PCYT1B: variants seen among roughly 807,000 people sequenced by gnomAD.
PCYT1B encodes the protein phosphate cytidylyltransferase 1B, choline.
PCYT1B carries 10 observed loss-of-function variants against 26.4 expected under a neutral mutation model. That is an observed-to-expected ratio of 0.38 (90% CI 0.23 to 0.64). PCYT1B has a LOEUF of 0.64. Ranked by LOEUF, PCYT1B falls within the 30% of genes least tolerant of loss-of-function variation. The pLI, the probability that PCYT1B is intolerant of heterozygous loss-of-function variation, is 0.56. For missense variants in PCYT1B, 161 were observed against 292.7 expected, an observed-to-expected ratio of 0.55 and a Z score of 3.28; for synonymous variants, 131 against 108.4, an observed-to-expected ratio of 1.21 and a Z score of -1.29.
Position 24,671,155 on chromosome X carries a change from C to T in PCYT1B, c.63+1415G>A, listed in dbSNP as rs752141166. On this transcript the variant is annotated intron_variant, in intron 1 of 7. Coordinates refer to the PCYT1B transcript ENST00000379145. ...GCTAATTTTTTTGTATTTTTAGTCG[C>T]GAGGGGGTTTCACCATGTTGGCCAG... is the stretch of plus-strand genomic sequence containing the variant. 9.1e-5 allele frequency among the ~76,000 whole-genome samples: 10 copies of T among 110,191 alleles called. No individual in the cohort carries two copies. In the South Asian group the frequency reaches 2.0e-3, roughly 22 times the overall value.
intron 3 of PCYT1B, among the ~76,000 whole-genome samples, chrX:24,592,130 A>T (rs1046802524): frequency 8.9e-6 from 1 of 111,732 alleles, no homozygotes; most frequent in African/African-American, 3.3e-5. Context: ...TTCCATATAT[A>T]AGTGGTATAT....
At chrX:24,586,753 C>T (rs1281608269) in intron 5 of PCYT1B, among the ~76,000 whole-genome samples, 1 of 110,546 alleles carries the variant, frequency 9.0e-6, no homozygotes, top group African/African-American at 3.3e-5. Context: ...TTTTTGCCTC[C>T]ACATATGGTA....
intron 1 of PCYT1B, among the ~76,000 whole-genome samples, chrX:24,637,222 C>T (rs1290226045): frequency 9.2e-6 from 1 of 108,622 alleles, no homozygotes; most frequent in African/African-American, 3.4e-5. Context: ...ATCTTGCTTC[C>T]GAATCACCTG....
intron 3 of PCYT1B, among the ~76,000 whole-genome samples, chrX:24,593,318 CCTT>C (rs1427950820): frequency 3.7e-5 from 4 of 108,886 alleles, no homozygotes; most frequent in African/African-American, 1.3e-4. Flanking sequence ...TCTACAGGTT[CCTT>C]CTTTTTCTTT....
chrX:24,651,184 G>A (rs982234297), upstream of PCYT1B, among the ~76,000 whole-genome samples: 4 of 109,837 alleles, frequency 3.6e-5, no homozygotes, highest in Admixed American at 2.0e-4. Context: ...AAGGCTGGGC[G>A]CGGTGGCTCA....
At chrX:24,645,993 C>A (rs762802678) in intron 1 of PCYT1B, among the ~76,000 whole-genome samples, 1 of 111,896 alleles carries the variant, frequency 8.9e-6, no homozygotes, top group Non-Finnish European at 1.9e-5. Context: ...AAACTCTTCC[C>A]AGGGTCAAAC....
intron 1 of PCYT1B, among the ~76,000 whole-genome samples, chrX:24,631,286 C>A (rs1312329439): frequency 1.8e-5 from 2 of 111,257 alleles, no homozygotes; most frequent in Non-Finnish European, 3.8e-5. Flanking sequence ...ACCCCAGCAC[C>A]AAAAAGCGGT....
At chrX:24,672,770 G>A (rs933840058), upstream of PCYT1B, 8 of 457,285 alleles carry the variant, frequency 1.7e-5, no homozygotes, top group South Asian at 1.9e-4. Context: ...AGATAAGCTC[G>A]GAGGAGCTCG....
chrX:24,652,942 A>G (rs1395179981), intron 1 of PCYT1B, among the ~76,000 whole-genome samples: 1 of 110,706 alleles, frequency 9.0e-6, no homozygotes, highest in Non-Finnish European at 1.9e-5. Flanking sequence ...AAAATTAGTT[A>G]GGCGTGGTGG....
chrX:24,564,300 A>G (rs1923542609), intron 7 of PCYT1B, among the ~76,000 whole-genome samples: 1 of 111,676 alleles, frequency 9.0e-6, no homozygotes, highest in African/African-American at 3.3e-5. Context: ...TTACTGAGGT[A>G]TAATAAACTC....
In PCYT1B at chrX:24,572,231, CATCT is replaced by C. The variant is rs1383749946; in HGVS notation, c.897+2895_897+2898del. Among the ~76,000 whole-genome samples the C allele has an allele frequency of 2.8e-5, 3 of 105,384 alleles. No homozygotes were observed. The East Asian group carries it at 9.2e-4, about 32-fold the overall frequency. The allele number at this position is 105,384 out of a possible 115,157, so 91.5% of individuals were successfully genotyped here. ...AGGCTAAGGCTATCTATCTGCTTAT[CATCT>C]ATCTATCTGTCTACATACACACACG... On this transcript the variant is annotated intron_variant, in intron 7 of 7. Transcript: ENST00000379144.
At chrX:24,594,201 G>A (rs1052352688) in intron 3 of PCYT1B, among the ~76,000 whole-genome samples, 9 of 111,377 alleles carry the variant, frequency 8.1e-5, no homozygotes, top group Admixed American at 3.9e-4. Context: ...AGCTCTGCCT[G>A]TCTTTAAATC....
chrX:24,583,286 G>A (rs1924261210), intron 5 of PCYT1B, among the ~76,000 whole-genome samples: 1 of 111,691 alleles, frequency 9.0e-6, no homozygotes, highest in Admixed American at 9.6e-5. Context: ...ATGCCCCAGT[G>A]GCAACTGCAA....
chrX:24,605,229 T>A (rs905548429), intron 3 of PCYT1B, among the ~76,000 whole-genome samples: 5 of 111,771 alleles, frequency 4.5e-5, no homozygotes, highest in Non-Finnish European at 9.4e-5. Context: ...AAAGCCTCCT[T>A]AAGATACACA....
At chrX:24,645,228 C>T (rs1036187474) in intron 1 of PCYT1B, among the ~76,000 whole-genome samples, 4 of 111,189 alleles carry the variant, frequency 3.6e-5, no homozygotes, top group African/African-American at 9.8e-5. Flanking sequence ...AGCTGGATGC[C>T]GCCTTTCTCT....
chrX:24,636,099 G>A (rs1016495760), intron 1 of PCYT1B, among the ~76,000 whole-genome samples: 1 of 111,571 alleles, frequency 9.0e-6, no homozygotes, highest in African/African-American at 3.3e-5. Flanking sequence ...CTCTCTTTGG[G>A]GCTGGATATA....
At chrX:24,614,969 G>A (rs1031606188) in intron 2 of PCYT1B, among the ~76,000 whole-genome samples, 1 of 111,300 alleles carries the variant, frequency 9.0e-6, no homozygotes, top group Non-Finnish European at 1.9e-5. Context: ...CTGGGAACAC[G>A]CCACCACGCC....
chrX:24,564,015 C>G (rs1380740548), intron 7 of PCYT1B, among the ~76,000 whole-genome samples: 2 of 110,793 alleles, frequency 1.8e-5, no homozygotes, highest in Admixed American at 9.6e-5. Context: ...AACCCTTTCT[C>G]TACTAAAATA....
chrX:24,662,523 C>T (rs1237610572), intron 1 of PCYT1B, among the ~76,000 whole-genome samples: 1 of 111,870 alleles, frequency 8.9e-6, no homozygotes, highest in African/African-American at 3.2e-5. Context: ...GCTTGACGTG[C>T]AGCTCATCTG....
Sources: gnomAD v4.1 joint callset for allele counts (sites outside exome capture counted in the v4.1 genomes callset) on GRCh38, gnomAD v4.1.1 for gene constraint, MANE v1.5 for transcripts, NCBI Gene and HGNC (gene_info 2026-07-23, HGNC 2026-07-21) for gene names.